The following STX4 variants were observed in gnomAD, a reference collection of about 807,000 sequenced individuals.
STX4 encodes the protein syntaxin 4.
STX4 carries 24 observed loss-of-function variants against 41.8 expected under a neutral mutation model. That is an observed-to-expected ratio of 0.57 (90% CI 0.42 to 0.81). The LOEUF is 0.81. Ranked by LOEUF, STX4 falls within the 30% of genes least tolerant of loss-of-function variation. STX4 has a pLI of 0.00. For missense variants in STX4, 316 were observed against 389.9 expected, an observed-to-expected ratio of 0.81 and a Z score of 1.60; for synonymous variants, 158 against 156.4, an observed-to-expected ratio of 1.01 and a Z score of -0.08.
At chr16:31,034,164 G>T in intron 2 of STX4, 50 bp downstream of exon 2, 2 of 1,612,600 alleles carry the variant, frequency 1.2e-6, no homozygotes, top group African/African-American at 1.3e-5. Flanking sequence ...AGGAGGACCC[G>T]AGGAGTAGCG....
intron 5 of STX4, among the ~76,000 whole-genome samples, chr16:31,037,003 G>A (rs2056803995): frequency 6.6e-6 from 1 of 151,456 alleles, no homozygotes; most frequent in Admixed American, 6.6e-5. Flanking sequence ...GCTGAGGTGG[G>A]AGGATTGGTT....
At chr16:31,038,718 G>C in intron 8 of STX4, 71 bp downstream of exon 8, 1 of 1,573,820 alleles carries the variant, frequency 6.4e-7, no homozygotes, top group South Asian at 1.2e-5. Flanking sequence ...GCCACCCTTA[G>C]ATTCTCTCCC....
chr16:31,034,542 C>T lies in STX4; in HGVS notation c.307+6C>T. 6.3e-7 allele frequency: 1 copy of T among 1,577,364 alleles called. No homozygotes were observed. The highest frequency in any genetic ancestry group is 1.2e-5 in the South Asian group (1 of 85,470). On this transcript the variant is annotated splice_donor_region_variant and intron_variant, in intron 4 of 10. Transcript: ENST00000313843. ...GATCCGCCTGCAGCTGAAGGGTGAG[C>T]TCCTGGGACCTCAGACAGATCCTTC...
intron 5 of STX4, among the ~76,000 whole-genome samples, chr16:31,037,637 G>T (rs1415660819): frequency 6.6e-6 from 1 of 151,044 alleles, no homozygotes; most frequent in Non-Finnish European, 1.5e-5. Context: ...TCCAGCCTGG[G>T]CAACAAGAGT....
Position 31,035,478 on chromosome 16 carries a change from C to T in STX4, c.378+438C>T, listed in dbSNP as rs149233402. On this transcript the variant is annotated intron_variant, in intron 5 of 10. Coordinates refer to ENST00000313843, the MANE Select transcript of STX4 (RefSeq NM_004604.5). ...CTGACCTCAGGTGACCCTCCTGCCT[C>T]GGCCTCCCAAAGTGCTGAATTACAG... Among the ~76,000 whole-genome samples the T allele has an allele frequency of 8.1e-3, 1,237 of 151,990 alleles. 16 individuals are homozygous for T. The highest frequency in any genetic ancestry group is 0.028 in the African/African-American group (1,151 of 41,426).
chr16:31,037,696 A>T (rs1243908513), intron 5 of STX4, among the ~76,000 whole-genome samples: 1 of 151,114 alleles, frequency 6.6e-6, no homozygotes, highest in Non-Finnish European at 1.5e-5. Flanking sequence ...TAAATAAATA[A>T]ATAAATAAAT....
Position 31,034,337 on chromosome 16 carries a change from C to G in STX4, c.232+12C>G. The G allele has an allele frequency of 2.5e-6, 4 of 1,613,946 alleles. No individual in the cohort carries two copies. Among genetic ancestry groups the G allele is most frequent in the Non-Finnish European group, 3.4e-6 (4 of 1,179,882 alleles). On this transcript the variant is annotated intron_variant, in intron 3 of 10. Coordinates refer to ENST00000313843, the MANE Select transcript of STX4 (RefSeq NM_004604.5). Reference sequence around the variant, plus strand: ...CCTTCCCGAGGAGAGTGAGTGAAACCCCGGCTGCAGGGCGCATGCTCCGCC... The same window carrying G: ...CCTTCCCGAGGAGAGTGAGTGAAACGCCGGCTGCAGGGCGCATGCTCCGCC...
chr16:31,039,272 G>A lies in STX4; in HGVS notation c.703-269G>A. ...TTTGTGAAGGCACAGTTCACCATCT[G>A]TGAAAGGTATGAGCCATTTGAGGCC... On this transcript the variant is annotated intron_variant, in intron 8 of 10. Coordinates refer to ENST00000313843, the MANE Select transcript of STX4 (RefSeq NM_004604.5). The surrounding 1 kb of genome is among the most constrained non-coding windows in gnomAD (Gnocchi z 4.1). 2.3e-6 allele frequency: 1 copy of A among 441,550 alleles called. No homozygotes were observed. The highest frequency in any genetic ancestry group is 4.1e-6 in the Non-Finnish European group (1 of 241,162). 27.4% of individuals were successfully genotyped at this position (441,550 alleles called of 1,614,324 possible).
chr16:31,036,444 C>T (rs1315846574), intron 5 of STX4, among the ~76,000 whole-genome samples: 1 of 152,112 alleles, frequency 6.6e-6, no homozygotes, highest in Non-Finnish European at 1.5e-5. Flanking sequence ...ACATGTTCAT[C>T]TCTAGGCGTA....
Position 31,039,042 on chromosome 16 carries a change from A to T in STX4, c.702+395A>T, listed in dbSNP as rs1020531714. 4.2e-6 allele frequency: 1 copy of T among 237,544 alleles called. No homozygotes were observed. The highest frequency in any genetic ancestry group is 2.2e-5 in the African/African-American group (1 of 44,650). 14.7% of individuals were successfully genotyped at this position (237,544 alleles called of 1,614,324 possible). ...TTCCCCTGGCCCTGGTTGTGAGTTG[A>T]GTTGAGCTTCCAGCCCTGTCCTGGA... is the stretch of plus-strand genomic sequence containing the variant. On this transcript the variant is annotated intron_variant, in intron 8 of 10. Coordinates refer to ENST00000313843, the MANE Select transcript of STX4 (RefSeq NM_004604.5). This position sits in a 1 kb window ranked among gnomAD's most constrained non-coding sequence, Gnocchi z 4.1.
At position 31,034,117 on chromosome 16, in the gene STX4, A is replaced by G. The variant is rs1232491908; in HGVS notation, c.132+3A>G. On this transcript the variant is annotated splice_donor_region_variant and intron_variant, in intron 2 of 10. Coordinates refer to ENST00000313843, the MANE Select transcript of STX4 (RefSeq NM_004604.5). The stretch of plus-strand genomic sequence containing the variant: ...CGGACGAGGAGTTCTTCCACAAGGT[A>G]AGGGGCTGGGGTCTCCGCCTGGATT... The G allele has an allele frequency of 3.1e-6, 5 of 1,608,940 alleles. No homozygotes were observed. The highest frequency in any genetic ancestry group is 4.2e-6 in the Non-Finnish European group (5 of 1,176,852).
intron 8 of STX4, 28 bp downstream of exon 8, chr16:31,038,675 G>C: frequency 6.2e-7 from 1 of 1,611,796 alleles, no homozygotes; most frequent in Non-Finnish European, 8.5e-7. Flanking sequence ...CCCCAGACGT[G>C]AGACCAGGCT....
At chr16:31,033,376 C>G, upstream of STX4, 1 of 1,059,734 alleles carries the variant, frequency 9.4e-7, no homozygotes, top group South Asian at 1.3e-5. The surrounding 1 kb of genome is among the most constrained non-coding windows in gnomAD (Gnocchi z 5.5). Flanking sequence ...ATTCCTACCC[C>G]TTTTGGCAAC....
At chr16:31,038,708 G>A (rs1298045517) in intron 8 of STX4, 61 bp downstream of exon 8, 18 of 1,588,356 alleles carry the variant, frequency 1.1e-5, no homozygotes, top group East Asian at 2.3e-5. Context: ...CCAGCCTCCC[G>A]CCACCCTTAG....
chr16:31,034,429 G>T, intron 3 of STX4, 33 bp from the exon 4 acceptor site: 1 of 1,599,462 alleles, frequency 6.3e-7, no homozygotes. Context: ...GGTGGGGGCT[G>T]CTGTTTGGGA....
chr16:31,036,999 G>T (rs2056803958), intron 5 of STX4, among the ~76,000 whole-genome samples: 2 of 151,524 alleles, frequency 1.3e-5, no homozygotes, highest in African/African-American at 2.4e-5. Context: ...GGAGGCTGAG[G>T]TGGGAGGATT....
chr16:31,033,430 A>G, upstream of STX4: 1 of 1,496,784 alleles, frequency 6.7e-7, no homozygotes, highest in Non-Finnish European at 9.1e-7. This position sits in a 1 kb window ranked among gnomAD's most constrained non-coding sequence, Gnocchi z 5.5. Context: ...GACGGTAGCA[A>G]GTTCTCGCGT....
At position 31,039,959 on chromosome 16, in the gene STX4, C is replaced by A; in HGVS notation, c.*63C>A. 1 of 827,708 alleles carries A rather than the reference C, an allele frequency of 1.2e-6. No homozygotes were observed. Among genetic ancestry groups the A allele is most frequent in the Non-Finnish European group, 1.9e-6 (1 of 514,254 alleles). 51.3% of individuals were successfully genotyped at this position (827,708 alleles called of 1,614,324 possible). A position where few individuals can be genotyped will look rare whatever the true frequency, so the allele number is the denominator to read the frequency against. On this transcript the variant is annotated 3_prime_UTR_variant, in exon 11 of 11. Coordinates refer to ENST00000313843, the MANE Select transcript of STX4 (RefSeq NM_004604.5). This position sits in a 1 kb window ranked among gnomAD's most constrained non-coding sequence, Gnocchi z 4.1. ...AGGGCCTGGCCTTCTCTCCCAGCAG[C>A]CTGGGGGGCAGGGCAGAGCCTCCAG...
intron 6 of STX4, 23 bp from the exon 7 acceptor site, chr16:31,038,091 G>C (rs373626306): frequency 6.8e-6 from 11 of 1,614,058 alleles, no homozygotes; most frequent in Non-Finnish European, 9.3e-6. Context: ...ACCCAACCCT[G>C]AGCCTGGCCT....
Sources: gnomAD v4.1 joint callset for allele counts (sites outside exome capture counted in the v4.1 genomes callset) on GRCh38, gnomAD v4.1.1 for gene constraint, Gnocchi (gnomAD v3.1) non-coding constraint, MANE v1.5 for transcripts, NCBI Gene and HGNC (gene_info 2026-07-23, HGNC 2026-07-21) for gene names.